The following DNAI3 variants were observed in gnomAD, a reference collection of about 807,000 sequenced individuals.
The protein encoded by DNAI3 is WD repeat domain 63.
Under a neutral mutation model 115.5 loss-of-function variants are expected in DNAI3, and 83 were observed. That is an observed-to-expected ratio of 0.72 (90% CI 0.60 to 0.86). The LOEUF is 0.86. DNAI3 is among the 40% of genes least tolerant of loss of function. The probability of loss-of-function intolerance (pLI) is 0.00; values close to 1 mark genes in which losing one functional copy is unlikely to be tolerated. For synonymous variants in DNAI3, 320 were observed against 347.0 expected (o/e 0.92, Z 0.86); for missense variants, 1,004 against 1,075.8 (o/e 0.93, Z 0.93).
chr1:85,092,325 C>T (rs149839602), intron 8 of DNAI3, among the ~76,000 whole-genome samples: 5 of 152,268 alleles, frequency 3.3e-5, no homozygotes, highest in Non-Finnish European at 5.9e-5. Flanking sequence ...GGGTATCAAA[C>T]GGTGCCCTTT....
chr1:85,104,043 C>CT (rs1280902846), intron 13 of DNAI3, among the ~76,000 whole-genome samples: 4 of 151,012 alleles, frequency 2.6e-5, no homozygotes, highest in African/African-American at 4.9e-5. Context: ...TGACAAAAGA[C>CT]TAGACAAGAA....
intron 3 of DNAI3, among the ~76,000 whole-genome samples, chr1:85,075,695 TG>T (rs1409618895): frequency 1.3e-5 from 2 of 152,172 alleles, no homozygotes; most frequent in Non-Finnish European, 2.9e-5. Context: ...AACAAGGCAA[TG>T]CCCAGAGGTT....
chr1:85,090,114 A>G lies in DNAI3; in HGVS notation c.741-2A>G, dbSNP rs372818867. ...GTATTGAATTTTCTTTTAATATATT[A>G]GGACATATCCTAAAAATGCTACTAC... On this transcript the variant is annotated splice_acceptor_variant, in intron 7 of 22. Coordinates refer to ENST00000294664, the MANE Select transcript of DNAI3 (RefSeq NM_145172.5). LOFTEE classifies it high-confidence loss of function. 3.3e-6 allele frequency: 5 copies of G among 1,510,312 alleles called. No homozygotes were observed. The African/African-American group carries it at 7.0e-5, about 21-fold the overall frequency. The allele number at this position is 1,510,312 out of a possible 1,614,324, so 93.6% of individuals were successfully genotyped here. A position where few individuals can be genotyped will look rare whatever the true frequency, so the allele number is the denominator to read the frequency against.
At position 85,096,142 on chromosome 1, in the gene DNAI3, G is replaced by A. The variant is rs1245976725; in HGVS notation, c.1263+122G>A. On this transcript the variant is annotated intron_variant, in intron 11 of 22. Coordinates refer to ENST00000294664, the MANE Select transcript of DNAI3 (RefSeq NM_145172.5). ...AGCAGAAGGAAGGCATGCCAATTGT[G>A]TGCCAGACACCACACCAGGAAGCAG... 5 of 832,942 alleles carry A rather than the reference G, an allele frequency of 6.0e-6. No individual in the cohort carries two copies. In the South Asian group the frequency reaches 6.1e-5, roughly 10 times the overall value. The allele number at this position is 832,942 out of a possible 1,614,324, so 51.6% of individuals were successfully genotyped here.
At chr1:85,070,682 A>G (rs572549246) in intron 1 of DNAI3, among the ~76,000 whole-genome samples, 1 of 152,358 alleles carries the variant, frequency 6.6e-6, no homozygotes, top group East Asian at 1.9e-4. Flanking sequence ...AGTTATGCTG[A>G]TTTGACCATT....
chr1:85,124,079 C>G, intron 18 of DNAI3, 42 bp from the exon 19 acceptor site: 1 of 1,612,028 alleles, frequency 6.2e-7, no homozygotes. Flanking sequence ...GGAATGCAAA[C>G]AGTGTTATTA....
intron 3 of DNAI3, among the ~76,000 whole-genome samples, chr1:85,080,813 T>G (rs889145072): frequency 1.3e-5 from 2 of 152,238 alleles, no homozygotes; most frequent in African/African-American, 4.8e-5. Flanking sequence ...TTAGAATGCT[T>G]ACCAATACGA....
In DNAI3 at chr1:85,081,319, AC is replaced by A; in HGVS notation, c.190del (p.Gln64AsnfsTer66). ...GAATAGATGAAGATGTCACAGATGA[AC>A]AACCTTATAAGCTTATCAATAAAGA... ...CRIDEDVTDE[Q>X]PYKLINKEDI... On this transcript the variant is annotated frameshift_variant, in exon 4 of 23. Transcript: ENST00000294664. LOFTEE classifies it high-confidence loss of function. 1 of 1,608,616 alleles carries A rather than the reference AC, an allele frequency of 6.2e-7. No homozygotes were observed. Among genetic ancestry groups the A allele is most frequent in the Non-Finnish European group, 8.5e-7 (1 of 1,178,350 alleles).
At position 85,094,613 on chromosome 1, in the gene DNAI3, C is replaced by T. The variant is rs1655074682; in HGVS notation, c.1173+58C>T. On this transcript the variant is annotated intron_variant, in intron 10 of 22. Transcript: ENST00000294664. Reference sequence around the variant, plus strand: ...TTTTCAAATACTACTTTCATGTATACCTTTAGCAGTTTTTATTGCAAAGTA... The same window carrying T: ...TTTTCAAATACTACTTTCATGTATATCTTTAGCAGTTTTTATTGCAAAGTA... The T allele has an allele frequency of 3.2e-6, 5 of 1,576,380 alleles. No individual in the cohort carries two copies. The South Asian group carries it at 4.7e-5, about 15-fold the overall frequency.
intron 15 of DNAI3, among the ~76,000 whole-genome samples, chr1:85,109,503 A>G (rs1655590802): frequency 6.6e-6 from 1 of 152,214 alleles, no homozygotes; most frequent in Admixed American, 6.5e-5. Flanking sequence ...CATGTGGACA[A>G]ACATCCTGAA....
intron 5 of DNAI3, among the ~76,000 whole-genome samples, chr1:85,083,737 A>T (rs1479570751): frequency 6.6e-6 from 1 of 152,100 alleles, no homozygotes; most frequent in African/African-American, 2.4e-5. Context: ...AAAGAAATAA[A>T]TATTACAGAC....
At chr1:85,124,009 C>T (rs1656059203) in intron 18 of DNAI3, 112 bp from the exon 19 acceptor site, 1 of 1,403,678 alleles carries the variant, frequency 7.1e-7, no homozygotes, top group South Asian at 1.3e-5. Context: ...GTTCTCCACT[C>T]CCCGACCCCA....
chr1:85,116,615 A>T (rs1315070923), intron 16 of DNAI3, among the ~76,000 whole-genome samples: 1 of 152,216 alleles, frequency 6.6e-6, no homozygotes, highest in African/African-American at 2.4e-5. Context: ...AAATATTTTA[A>T]TGATTTTAAT....
At chr1:85,125,330 C>T (rs563897334) in intron 19 of DNAI3, among the ~76,000 whole-genome samples, 1 of 151,802 alleles carries the variant, frequency 6.6e-6, no homozygotes, top group African/African-American at 2.4e-5. Flanking sequence ...GATATATATA[C>T]ACACACATAT....
intron 3 of DNAI3, among the ~76,000 whole-genome samples, chr1:85,074,758 A>C (rs1012202143): frequency 5.3e-5 from 8 of 152,124 alleles, no homozygotes; most frequent in Non-Finnish European, 1.5e-5. Flanking sequence ...GGTTCCTGTG[A>C]GCTTCTGTTC....
intron 7 of DNAI3, among the ~76,000 whole-genome samples, chr1:85,088,117 T>C (rs1654851591): frequency 6.9e-6 from 1 of 145,192 alleles, no homozygotes; most frequent in Admixed American, 6.9e-5. Context: ...AGAGGTGATA[T>C]ATTAGTACCA....
At chr1:85,080,273 G>C (rs779464473) in intron 3 of DNAI3, among the ~76,000 whole-genome samples, 3 of 151,862 alleles carry the variant, frequency 2.0e-5, no homozygotes, top group African/African-American at 7.3e-5. Context: ...GGATGGTCTC[G>C]ATCTCCTGAC....
At chr1:85,121,726 C>T (rs1398298446) in intron 17 of DNAI3, 25 bp from the exon 18 acceptor site, 1 of 1,610,094 alleles carries the variant, frequency 6.2e-7, no homozygotes, top group Admixed American at 1.7e-5. Flanking sequence ...TCATTGTACT[C>T]ATCAGGAACC....
At chr1:85,067,156 G>A (rs905090856) in intron 1 of DNAI3, among the ~76,000 whole-genome samples, 2 of 152,178 alleles carry the variant, frequency 1.3e-5, no homozygotes, top group Non-Finnish European at 2.9e-5. Context: ...GCTTATAAAT[G>A]TTTCTATCGA....
Sources: gnomAD v4.1 joint callset for allele counts (sites outside exome capture counted in the v4.1 genomes callset) on GRCh38, gnomAD v4.1.1 for gene constraint, MANE v1.5 for transcripts, NCBI Gene and HGNC (gene_info 2026-07-23, HGNC 2026-07-21) for gene names.